TMEM182: variants seen among roughly 807,000 people sequenced by gnomAD.
The protein encoded by TMEM182 is transmembrane protein 182.
A neutral mutation model predicts 26.8 loss-of-function variants in TMEM182; 20 were observed. The ratio of observed to expected loss-of-function variants is 0.75; its 90% CI spans 0.53 to 1.09. The LOEUF (loss-of-function observed/expected upper bound fraction) is 1.09, where lower values mean the gene tolerates loss of function less well. TMEM182 is among the 50% of genes least tolerant of loss of function. TMEM182 has a pLI of 0.00. For synonymous variants in TMEM182, 109 were observed against 102.2 expected, an observed-to-expected ratio of 1.07 and a Z score of -0.40; for missense variants, 277 against 275.5, an observed-to-expected ratio of 1.01 and a Z score of -0.04.
Position 102,815,109 on chromosome 2 carries a change from T to C in TMEM182, c.*141T>C. On this transcript the variant is annotated 3_prime_UTR_variant, in exon 5 of 5. Transcript: ENST00000412401. ...TTCAAATTAATCATTTTACTAAAATTTTCTTCAGTAAGAAGGTCCTAGAAT... is the reference window on the plus strand; with the variant it reads ...TTCAAATTAATCATTTTACTAAAATCTTCTTCAGTAAGAAGGTCCTAGAAT... 6.9e-7 allele frequency: 1 copy of C among 1,443,948 alleles called. No individual in the cohort carries two copies. 89.4% of individuals were successfully genotyped at this position (1,443,948 alleles called of 1,614,324 possible).
chr2:102,806,485 G>A (rs1190423794), intron 4 of TMEM182, among the ~76,000 whole-genome samples: 1 of 152,086 alleles, frequency 6.6e-6, no homozygotes, highest in African/African-American at 2.4e-5. Flanking sequence ...ATGCATTGGA[G>A]GTCATCATTC....
intron 3 of TMEM182, among the ~76,000 whole-genome samples, chr2:102,766,974 G>C (rs1325860039): frequency 6.6e-6 from 1 of 152,176 alleles, no homozygotes; most frequent in South Asian, 2.1e-4. Context: ...AGGAGACTGG[G>C]AATCAGAGAA....
At chr2:102,834,426 G>T (rs796799206) in intron 3 of TMEM182, 3 of 985,308 alleles carry the variant, frequency 3.0e-6, no homozygotes, top group Non-Finnish European at 3.6e-6. Context: ...GAAGATGGGG[G>T]GATGGAAGTG....
intron 3 of TMEM182, among the ~76,000 whole-genome samples, chr2:102,828,259 C>T (rs971568687): frequency 3.9e-5 from 6 of 152,080 alleles, no homozygotes; most frequent in Non-Finnish European, 8.8e-5. Flanking sequence ...TGAACTGTGT[C>T]TCAGGAGATC....
At chr2:102,800,098 A>G (rs1043977475) in intron 4 of TMEM182, among the ~76,000 whole-genome samples, 37 of 152,026 alleles carry the variant, frequency 2.4e-4, no homozygotes, top group African/African-American at 8.7e-4. Context: ...GTTTTCTTTC[A>G]CTGGATTTAG....
chr2:102,804,379 A>G (rs1386960798), intron 4 of TMEM182, among the ~76,000 whole-genome samples: 1 of 152,022 alleles, frequency 6.6e-6, no homozygotes, highest in South Asian at 2.1e-4. Flanking sequence ...CTCATAGCTT[A>G]GCTTGCATAT....
At chr2:102,800,802 TG>T in intron 4 of TMEM182, among the ~76,000 whole-genome samples, 1 of 80,826 alleles carries the variant, frequency 1.2e-5, no homozygotes, top group Admixed American at 1.2e-4. Flanking sequence ...ACAGTTTGTG[TG>T]TGTGTGTGTG....
At chr2:102,739,195 A>G (rs1013031731) in intron 1 of TMEM182, among the ~76,000 whole-genome samples, 2 of 152,160 alleles carry the variant, frequency 1.3e-5, no homozygotes, top group African/African-American at 4.8e-5. Flanking sequence ...GACAAGGTGG[A>G]CACATTTACT....
intron 3 of TMEM182, among the ~76,000 whole-genome samples, chr2:102,830,149 G>A (rs1683123378): frequency 6.6e-6 from 1 of 152,226 alleles, no homozygotes; most frequent in African/African-American, 2.4e-5. Flanking sequence ...TATGGTCACA[G>A]AGATGTCTTA....
At chr2:102,782,448 T>G (rs1217086923) in intron 3 of TMEM182, among the ~76,000 whole-genome samples, 1 of 152,208 alleles carries the variant, frequency 6.6e-6, no homozygotes, top group Non-Finnish European at 1.5e-5. Flanking sequence ...CTTTATTTCA[T>G]TTTTATTTCA....
intron 4 of TMEM182, among the ~76,000 whole-genome samples, chr2:102,798,702 G>A (rs768121521): frequency 1.2e-4 from 18 of 152,068 alleles, no homozygotes; most frequent in South Asian, 4.1e-4. Flanking sequence ...TTAGCCAGGC[G>A]TGGTGGCATG....
At chr2:102,749,929 T>C (rs1679828424) in intron 1 of TMEM182, among the ~76,000 whole-genome samples, 1 of 152,156 alleles carries the variant, frequency 6.6e-6, no homozygotes, top group Non-Finnish European at 1.5e-5. Flanking sequence ...CTTCAAAATG[T>C]TTCTGGTGAT....
At chr2:102,740,686 CCT>C (rs1313873907) in intron 1 of TMEM182, among the ~76,000 whole-genome samples, 1 of 152,038 alleles carries the variant, frequency 6.6e-6, no homozygotes, top group Admixed American at 6.6e-5. Context: ...GCACACCTAC[CCT>C]GTGACCCAAC....
intron 1 of TMEM182, among the ~76,000 whole-genome samples, chr2:102,748,267 A>G (rs1679776062): frequency 6.6e-6 from 1 of 152,214 alleles, no homozygotes; most frequent in South Asian, 2.1e-4. Flanking sequence ...TCTGCCCCGC[A>G]ATGAAATGCC....
chr2:102,786,210 G>GGTTT (rs1553440490), intron 3 of TMEM182, among the ~76,000 whole-genome samples: 10 of 91,794 alleles, frequency 1.1e-4, no homozygotes, highest in African/African-American at 4.4e-4. Flanking sequence ...TCAGCAATCT[G>GGTTT]TTTTTTTTTT....
chr2:102,841,440 T>A (rs1683348375), intron 3 of TMEM182, among the ~76,000 whole-genome samples: 1 of 152,124 alleles, frequency 6.6e-6, no homozygotes, highest in Non-Finnish European at 1.5e-5. Context: ...CCAGCAGGTG[T>A]CACTGTGGAG....
intron 3 of TMEM182, among the ~76,000 whole-genome samples, chr2:102,772,530 G>A (rs1266554456): frequency 2.0e-5 from 3 of 152,092 alleles, no homozygotes; most frequent in Admixed American, 2.0e-4. Flanking sequence ...AGCTATTTTG[G>A]AAGCTCCTCT....
rs746579173 is a variant in TMEM182, at chr2:102,814,994, T to C, written c.*26T>C. ...ATCAACTGTTGCCACAAGTATTTTC[T>C]TGAGAGATTTTAAAACAAGGAATAC... On this transcript the variant is annotated 3_prime_UTR_variant, in exon 5 of 5. Transcript: ENST00000412401. The C allele has an allele frequency of 6.2e-7, 1 of 1,609,958 alleles. No homozygotes were observed.
At chr2:102,748,440 A>G (rs1459332594) in intron 1 of TMEM182, among the ~76,000 whole-genome samples, 2 of 152,226 alleles carry the variant, frequency 1.3e-5, no homozygotes, top group Non-Finnish European at 2.9e-5. Flanking sequence ...GATAATTTAG[A>G]CATACTCGGG....
Sources: allele counts gnomAD v4.1 joint callset (sites outside exome capture counted in the v4.1 genomes callset), GRCh38; gene constraint gnomAD v4.1.1; transcripts MANE v1.5; gene names NCBI Gene and HGNC (gene_info 2026-07-23, HGNC 2026-07-21).